PCSK2: variants seen among roughly 807,000 people sequenced by gnomAD.
PCSK2 encodes proprotein convertase subtilisin/kexin type 2.
In PCSK2, 14 loss-of-function variants were observed where a neutral mutation model predicts 69.7. The observed-to-expected ratio is 0.20, with a 90% confidence interval of 0.13 to 0.31. PCSK2 has a LOEUF of 0.31. PCSK2 is among the 10% of genes least tolerant of loss of function. The probability of loss-of-function intolerance (pLI) is 1.00; values close to 1 mark genes in which losing one functional copy is unlikely to be tolerated. For synonymous variants in PCSK2, 307 were observed against 320.7 expected (o/e 0.96, Z 0.46); for missense variants, 544 against 842.5 (o/e 0.65, Z 4.39).
chr20:17,436,993 C>G (rs941348527), intron 8 of PCSK2, 110 bp downstream of exon 8: 8 of 918,758 alleles, frequency 8.7e-6, no homozygotes, highest in Non-Finnish European at 1.3e-5. Context: ...GAGTCCAGGT[C>G]CTGCAGGAAT....
At chr20:17,433,445 G>T (rs2269008) in intron 7 of PCSK2, among the ~76,000 whole-genome samples, 1 of 152,068 alleles carries the variant, frequency 6.6e-6, no homozygotes, top group Non-Finnish European at 1.5e-5. Context: ...GCATTGATGA[G>T]CACCGAAGTT....
At chr20:17,368,253 C>G (rs1406637869) in intron 4 of PCSK2, among the ~76,000 whole-genome samples, 1 of 152,020 alleles carries the variant, frequency 6.6e-6, no homozygotes, top group Non-Finnish European at 1.5e-5. Flanking sequence ...TTAAATGCAC[C>G]AGCTGCTGGG....
rs1231363142 is a variant in PCSK2 at position 17,481,423 on chromosome 20, T to G, written c.1431-161T>G. Reference sequence around the variant, plus strand: ...AAAAAAAAAAAAAAAAAGAGATAAGTAACTTACTCAGGCTCACACAGCCAG... The same window carrying G: ...AAAAAAAAAAAAAAAAAGAGATAAGGAACTTACTCAGGCTCACACAGCCAG... On this transcript the variant is annotated intron_variant, in intron 11 of 11. Transcript: ENST00000262545. Among the ~76,000 whole-genome samples, 8 of 130,474 alleles carry G rather than the reference T, an allele frequency of 6.1e-5. No individual in the cohort carries two copies. In the East Asian group the frequency reaches 6.9e-4, roughly 11 times the overall value. 85.6% of individuals were successfully genotyped at this position (130,474 alleles called of 152,430 possible).
intron 1 of PCSK2, among the ~76,000 whole-genome samples, chr20:17,240,655 G>A (rs1986534794): frequency 6.6e-6 from 1 of 152,198 alleles, no homozygotes; most frequent in Admixed American, 6.5e-5. Flanking sequence ...GAAAGAAACA[G>A]TTTGTGAGTG....
At chr20:17,399,663 C>T (rs762196636) in intron 5 of PCSK2, among the ~76,000 whole-genome samples, 1 of 152,120 alleles carries the variant, frequency 6.6e-6, no homozygotes, top group African/African-American at 2.4e-5. Flanking sequence ...TTGCAAGGAG[C>T]CACAGTCCTG....
intron 3 of PCSK2, among the ~76,000 whole-genome samples, chr20:17,359,727 C>T (rs2030325722): frequency 6.6e-6 from 1 of 152,172 alleles, no homozygotes. Context: ...GACAATCATA[C>T]AATGTTTTAG....
In PCSK2 at chr20:17,338,968, A is replaced by G. The variant is rs138364959; in HGVS notation, c.283-19359A>G. ...AAGGATATAGGAATGTTCACATAGC[A>G]TCTTGTTTTTGAAGTGATTTTGTGG... On this transcript the variant is annotated intron_variant, in intron 2 of 11. Coordinates refer to ENST00000262545, the MANE Select transcript of PCSK2 (RefSeq NM_002594.5). Among the ~76,000 whole-genome samples the G allele has an allele frequency of 4.0e-4, 61 of 152,336 alleles. 3 individuals are homozygous for G. In the East Asian group the frequency reaches 7.3e-3, roughly 18 times the overall value.
At chr20:17,438,644 G>C (rs371871732) in intron 8 of PCSK2, among the ~76,000 whole-genome samples, 1 of 152,124 alleles carries the variant, frequency 6.6e-6, no homozygotes, top group African/African-American at 2.4e-5. Context: ...AGGCCTGGGG[G>C]CCACCCCAGC....
chr20:17,287,838 G>C (rs780154721), intron 2 of PCSK2, among the ~76,000 whole-genome samples: 3 of 152,206 alleles, frequency 2.0e-5, no homozygotes, highest in Non-Finnish European at 2.9e-5. Context: ...GTCATACCTG[G>C]CCATAAGGCT....
At chr20:17,388,982 C>G (rs1237726396) in intron 5 of PCSK2, among the ~76,000 whole-genome samples, 3 of 152,106 alleles carry the variant, frequency 2.0e-5, no homozygotes, top group African/African-American at 7.2e-5. Flanking sequence ...TGATGATCAA[C>G]CAAGTCACTC....
chr20:17,484,055 G>A lies in PCSK2; in HGVS notation c.*1985G>A, dbSNP rs1473750128. 6.6e-6 allele frequency: 1 copy of A among 152,464 alleles called. No individual in the cohort carries two copies. Among genetic ancestry groups the A allele is most frequent in the Non-Finnish European group, 1.5e-5 (1 of 67,998 alleles). 9.4% of individuals were successfully genotyped at this position (152,464 alleles called of 1,614,324 possible). ...ACTCATTTCTAAAAGAATATTCAGA[G>A]AATATCAAGATGATTCTGGCTGAAA... On this transcript the variant is annotated 3_prime_UTR_variant, in exon 12 of 12. Coordinates refer to ENST00000262545, the MANE Select transcript of PCSK2 (RefSeq NM_002594.5).
intron 2 of PCSK2, among the ~76,000 whole-genome samples, chr20:17,347,158 G>A (rs796594528): frequency 9.9e-5 from 15 of 152,224 alleles, no homozygotes; most frequent in African/African-American, 1.9e-4. Context: ...AGCCATAATC[G>A]TGGCTTAACT....
At chr20:17,279,318 T>C (rs901269025) in intron 2 of PCSK2, among the ~76,000 whole-genome samples, 4 of 152,208 alleles carry the variant, frequency 2.6e-5, no homozygotes, top group Non-Finnish European at 5.9e-5. Flanking sequence ...TTGCCTACAA[T>C]GGTGCCATTG....
intron 2 of PCSK2, among the ~76,000 whole-genome samples, chr20:17,293,975 G>A (rs1056301549): frequency 2.0e-5 from 3 of 151,474 alleles, no homozygotes; most frequent in Non-Finnish European, 4.4e-5. Flanking sequence ...TTTCTTTTAA[G>A]CTTACTGTCT....
intron 6 of PCSK2, among the ~76,000 whole-genome samples, chr20:17,411,404 C>T (rs568795657): frequency 1.3e-4 from 20 of 152,358 alleles, no homozygotes; most frequent in African/African-American, 3.6e-4. Context: ...GCAGGTCCCA[C>T]GCCCATGGAG....
At chr20:17,469,103 A>G (rs1449608567) in intron 11 of PCSK2, among the ~76,000 whole-genome samples, 2 of 152,262 alleles carry the variant, frequency 1.3e-5, no homozygotes, top group Admixed American at 1.3e-4. Flanking sequence ...TACTCTGCAC[A>G]GTTCCTCACC....
chr20:17,280,810 C>T (rs895557049), intron 2 of PCSK2, among the ~76,000 whole-genome samples: 7 of 152,150 alleles, frequency 4.6e-5, no homozygotes, highest in African/African-American at 1.7e-4. Context: ...GCCAAATAAG[C>T]ATATCTGACA....
intron 11 of PCSK2, among the ~76,000 whole-genome samples, chr20:17,473,464 C>A (rs981910044): frequency 6.6e-6 from 1 of 152,226 alleles, no homozygotes; most frequent in Non-Finnish European, 1.5e-5. Flanking sequence ...GGCCTGGAAA[C>A]TAACACCCTG....
Position 17,347,929 on chromosome 20 carries a change from A to G in PCSK2, c.283-10398A>G, listed in dbSNP as rs529016207. ...GAAAGAAAGAAAGAAAGGAGAGAGA[A>G]AAAAGAGAAAGAAAGAAAGAAAGAA... On this transcript the variant is annotated intron_variant, in intron 2 of 11. Coordinates refer to ENST00000262545, the MANE Select transcript of PCSK2 (RefSeq NM_002594.5). 3.2e-4 allele frequency among the ~76,000 whole-genome samples: 23 copies of G among 70,928 alleles called. 3 individuals carry two copies. The highest frequency in any genetic ancestry group is 5.6e-4 in the Non-Finnish European group (20 of 35,882). The allele number at this position is 70,928 out of a possible 152,430, so 46.5% of individuals were successfully genotyped here.
Sources: gnomAD v4.1 joint callset for allele counts (sites outside exome capture counted in the v4.1 genomes callset) on GRCh38, gnomAD v4.1.1 for gene constraint, MANE v1.5 for transcripts, NCBI Gene and HGNC (gene_info 2026-07-23, HGNC 2026-07-21) for gene names.